The following MKNK2 variants were observed in gnomAD, a reference collection of about 807,000 sequenced individuals.
MKNK2 encodes the protein MAPK interacting serine/threonine kinase 2, also known as MAP kinase-interacting serine/threonine-protein kinase 2.
MKNK2 carries 54 observed loss-of-function variants against 55.0 expected under a neutral mutation model. The ratio of observed to expected loss-of-function variants is 0.98; its 90% CI spans 0.79 to 1.23. The LOEUF (loss-of-function observed/expected upper bound fraction) is 1.23, where lower values mean the gene tolerates loss of function less well. Ranked by LOEUF, MKNK2 falls within the 50% of genes most tolerant of loss-of-function variation. The pLI is 0.00. For synonymous variants in MKNK2, 323 were observed against 256.0 expected (o/e 1.26, Z -2.50); for missense variants, 685 against 632.1 (o/e 1.08, Z -0.90).
intron 5 of MKNK2, 64 bp downstream of exon 5, chr19:2,046,121 GT>G: frequency 6.7e-7 from 1 of 1,500,474 alleles, no homozygotes. Context: ...GCCACACACT[GT>G]TTCCACCCCC....
chr19:2,038,705 C>T lies in MKNK2; in HGVS notation c.*908G>A, dbSNP rs2016808196. The T allele has an allele frequency of 1.0e-6, 1 of 985,460 alleles. No homozygotes were observed. Among genetic ancestry groups the T allele is most frequent in the African/African-American group, 1.7e-5 (1 of 57,182 alleles). 61.0% of individuals were successfully genotyped at this position (985,460 alleles called of 1,614,324 possible). Reference sequence around the variant, plus strand: ...GGACGTGGCTACGGTCAGACTGAGCCCTGAGAAGGGGCACTCGGGTGCCCC... The same window carrying T: ...GGACGTGGCTACGGTCAGACTGAGCTCTGAGAAGGGGCACTCGGGTGCCCC... On this transcript the variant is annotated 3_prime_UTR_variant, in exon 14 of 14. Coordinates refer to ENST00000250896, the MANE Select transcript of MKNK2 (RefSeq NM_199054.3).
intron 5 of MKNK2, among the ~76,000 whole-genome samples, chr19:2,045,418 G>A (rs2016975785): frequency 6.6e-6 from 1 of 152,140 alleles, no homozygotes; most frequent in Admixed American, 6.5e-5. Flanking sequence ...CCTGCCTGGG[G>A]GCTCCCAGGA....
rs762144278 is a variant in MKNK2 at position 2,042,830 on chromosome 19, G to A, written c.534C>T (p.Asn178=). 6.3e-6 allele frequency: 10 copies of A among 1,576,896 alleles called. No individual in the cohort carries two copies. In the East Asian group the frequency reaches 7.0e-5, roughly 11 times the overall value. Residue 178 remains asparagine (N), a synonymous_variant, in exon 8 of 14, where the codon AAC becomes AAT. Transcript: ENST00000250896. Reference sequence around the variant, plus strand: ...GCACCACCACGCTGGCCTCCAGCTCGTTGAAGTGCCGGCGCTTGTGGATGT... The same window carrying A: ...GCACCACCACGCTGGCCTCCAGCTCATTGAAGTGCCGGCGCTTGTGGATGT... ...LSHIHKRRHF[N]ELEASVVVQD...
intron 2 of MKNK2, among the ~76,000 whole-genome samples, chr19:2,047,097 G>C (rs2017017292): frequency 6.6e-6 from 1 of 152,204 alleles, no homozygotes; most frequent in Non-Finnish European, 1.5e-5. Context: ...ACATGTGGAA[G>C]GCGTGAGGCC....
chr19:2,039,422 G>C lies in MKNK2; in HGVS notation c.*191C>G. On this transcript the variant is annotated 3_prime_UTR_variant, in exon 14 of 14. Coordinates refer to ENST00000250896, the MANE Select transcript of MKNK2 (RefSeq NM_199054.3). Reference sequence around the variant, plus strand: ...CATCCAAAGGAAAAAATAACGGGGAGGGGTGGAAACAGGAAAAAAAAAACC... The same window carrying C: ...CATCCAAAGGAAAAAATAACGGGGACGGGTGGAAACAGGAAAAAAAAAACC... The C allele has an allele frequency of 7.1e-7, 1 of 1,401,818 alleles. No homozygotes were observed. Among genetic ancestry groups the C allele is most frequent in the Non-Finnish European group, 9.3e-7 (1 of 1,081,032 alleles). The allele number at this position is 1,401,818 out of a possible 1,614,324, so 86.8% of individuals were successfully genotyped here.
Position 2,044,928 on chromosome 19 carries a change from G to A in MKNK2, c.339+1258C>T, listed in dbSNP as rs927608929. 5.3e-5 allele frequency among the ~76,000 whole-genome samples: 8 copies of A among 152,240 alleles called. 1 individual carries two copies. In the South Asian group the frequency reaches 8.3e-4, roughly 16 times the overall value. ...CTCTGCATCCAGCCAGCAGCCTCACGGCACCAGGTGACCCCAGGGTGGCTT... is the reference window on the plus strand; with the variant it reads ...CTCTGCATCCAGCCAGCAGCCTCACAGCACCAGGTGACCCCAGGGTGGCTT... On this transcript the variant is annotated intron_variant, in intron 5 of 13. Coordinates refer to ENST00000250896, the MANE Select transcript of MKNK2 (RefSeq NM_199054.3).
chr19:2,039,323 G>A lies in MKNK2; in HGVS notation c.*290C>T, dbSNP rs1039300857. 13 of 1,303,128 alleles carry A rather than the reference G, an allele frequency of 1.0e-5. No individual in the cohort carries two copies. The highest frequency in any genetic ancestry group is 8.5e-5 in the South Asian group (4 of 46,974). 80.7% of individuals were successfully genotyped at this position (1,303,128 alleles called of 1,614,324 possible). A position where few individuals can be genotyped will look rare whatever the true frequency, so the allele number is the denominator to read the frequency against. On this transcript the variant is annotated 3_prime_UTR_variant, in exon 14 of 14. Coordinates refer to ENST00000250896, the MANE Select transcript of MKNK2 (RefSeq NM_199054.3). ...CCTTCATAGTAGAGGTGAGCAGGGC[G>A]GGGGACCGGGGAGGGGACAAGCCCA...
In MKNK2 at chr19:2,037,772, T is replaced by C. The variant is rs1261890611; in HGVS notation, c.*1841A>G. 1.9e-6 allele frequency: 3 copies of C among 1,604,086 alleles called. No individual in the cohort carries two copies. On this transcript the variant is annotated 3_prime_UTR_variant, in exon 14 of 14. Coordinates refer to ENST00000250896, the MANE Select transcript of MKNK2 (RefSeq NM_199054.3). Reference sequence around the variant, plus strand: ...TCACAGTAACGGTTCTGACCAGTCCTCCAGGTCGCACGTGGATGCGACAGG... The same window carrying C: ...TCACAGTAACGGTTCTGACCAGTCCCCCAGGTCGCACGTGGATGCGACAGG...
At position 2,043,243 on chromosome 19, in the gene MKNK2, C is replaced by G. The variant is rs757669235; in HGVS notation, c.420-46G>C. 7.5e-6 allele frequency: 11 copies of G among 1,470,078 alleles called. No individual in the cohort carries two copies. In the East Asian group the frequency reaches 9.1e-5, roughly 12 times the overall value. The allele number at this position is 1,470,078 out of a possible 1,614,324, so 91.1% of individuals were successfully genotyped here. On this transcript the variant is annotated intron_variant, in intron 6 of 13. Transcript: ENST00000250896. Reference sequence around the variant, plus strand: ...GGAGAGGAGCTGAGGCTTCCTGAGGCCCCTGGGTACCTGCTGCCCGGCCTA... The same window carrying G: ...GGAGAGGAGCTGAGGCTTCCTGAGGGCCCTGGGTACCTGCTGCCCGGCCTA...
rs2016937467 is a variant in MKNK2, at chr19:2,043,532, C to T, written c.390G>A (p.Val130=). Reference sequence around the variant, plus strand: ...GTCCCTGGCACTGGTACAGCATCTCCACCTCCCTGAAAACCCTGCTCCGAA... The same window carrying T: ...GTCCCTGGCACTGGTACAGCATCTCTACCTCCCTGAAAACCCTGCTCCGAA... ...GHIRSRVFRE[V]EMLYQCQGHR... Residue 130 remains valine, a synonymous_variant, in exon 6 of 14, where the codon GTG becomes GTA. Transcript: ENST00000250896. 1.2e-6 allele frequency: 2 copies of T among 1,614,120 alleles called. No homozygotes were observed. Among genetic ancestry groups the T allele is most frequent in the Middle Eastern group, 1.6e-4 (1 of 6,062 alleles).
rs780346937 is a variant in MKNK2, at chr19:2,039,780, C to T, written c.1231G>A (p.Glu411Lys). 1.4e-5 allele frequency: 23 copies of T among 1,607,596 alleles called. No homozygotes were observed. The highest frequency in any genetic ancestry group is 5.3e-5 in the African/African-American group (4 of 74,942). ...AMNRQLAQHD[E>K]DLAEEEAAGQ... ...GCGGCCTCCTCCTCAGCCAGGTCCT[C>T]GTCGTGCTGGGCCAGCTGCCGGTTC... The change falls in exon 14 of 14, where the codon GAG (glutamate) becomes AAG (lysine). Residue 411 changes from glutamate (E) to lysine (K), a missense_variant. Coordinates refer to ENST00000250896, the MANE Select transcript of MKNK2 (RefSeq NM_199054.3).
chr19:2,037,888 A>AC lies in MKNK2; in HGVS notation c.*1724dup. ...CGCTGCTAGCCACTCAGCTTTAGAG[A>AC]CCCGATGGCTATGGGCGCCTGCAGC... On this transcript the variant is annotated 3_prime_UTR_variant, in exon 14 of 14. Coordinates refer to ENST00000250896, the MANE Select transcript of MKNK2 (RefSeq NM_199054.3). The AC allele has an allele frequency of 1.3e-6, 2 of 1,496,724 alleles. No homozygotes were observed. The highest frequency in any genetic ancestry group is 2.1e-5 in the Admixed American group (1 of 47,738). 92.7% of individuals were successfully genotyped at this position (1,496,724 alleles called of 1,614,324 possible).
rs1490633264 is a variant in MKNK2, at chr19:2,037,832, T to C, written c.*1781A>G. On this transcript the variant is annotated 3_prime_UTR_variant, in exon 14 of 14. Transcript: ENST00000250896. ...GGAGGAGGAAGTGACTGTCCCACCT[T>C]CAGAAAAAAAAAAAAAAACAAACAA... 4.6e-6 allele frequency: 7 copies of C among 1,527,428 alleles called. No individual in the cohort carries two copies. The highest frequency in any genetic ancestry group is 4.5e-5 in the African/African-American group (3 of 67,304). The allele number at this position is 1,527,428 out of a possible 1,614,324, so 94.6% of individuals were successfully genotyped here. A position where few individuals can be genotyped will look rare whatever the true frequency, so the allele number is the denominator to read the frequency against.
In MKNK2 at chr19:2,042,533, C is replaced by T; in HGVS notation, c.655-11G>A. On this transcript the variant is annotated splice_polypyrimidine_tract_variant and intron_variant, in intron 9 of 13. Transcript: ENST00000250896. Reference sequence around the variant, plus strand: ...CTTCACGGGGGAGACCTGGGAGGGGCCAAAAGGTCCGTGAGCCTGGGGTCC... The same window carrying T: ...CTTCACGGGGGAGACCTGGGAGGGGTCAAAAGGTCCGTGAGCCTGGGGTCC... The T allele has an allele frequency of 6.3e-7, 1 of 1,588,786 alleles. No individual in the cohort carries two copies. Among genetic ancestry groups the T allele is most frequent in the Non-Finnish European group, 8.6e-7 (1 of 1,168,798 alleles).
In MKNK2 at chr19:2,042,397, G is replaced by A. The variant is rs1389705142; in HGVS notation, c.750+30C>T. The A allele has an allele frequency of 1.9e-6, 3 of 1,543,390 alleles. No individual in the cohort carries two copies. In the South Asian group the frequency reaches 3.6e-5, roughly 18 times the overall value. ...TTATGCAACCGCAGAGCAGGCGGCC[G>A]AGCCCCCAGCCCTCCCCGCGGGCCC... On this transcript the variant is annotated intron_variant, in intron 10 of 13. Coordinates refer to ENST00000250896, the MANE Select transcript of MKNK2 (RefSeq NM_199054.3).
At position 2,038,108 on chromosome 19, in the gene MKNK2, G is replaced by A. The variant is rs1483311736; in HGVS notation, c.*1505C>T. ...ACCAGGGAAGGCAGAGCACCCCCAC[G>A]GCCACCGGACTGTGACCATCATACG... On this transcript the variant is annotated 3_prime_UTR_variant, in exon 14 of 14. Transcript: ENST00000250896. The A allele has an allele frequency of 2.2e-5, 24 of 1,110,680 alleles. No individual in the cohort carries two copies. In the South Asian group the frequency reaches 3.7e-4, roughly 17 times the overall value. 68.8% of individuals were successfully genotyped at this position (1,110,680 alleles called of 1,614,324 possible).
Position 2,037,628 on chromosome 19 carries a change from GA to G in MKNK2, c.*1984del. On this transcript the variant is annotated 3_prime_UTR_variant, in exon 14 of 14. Transcript: ENST00000250896. ...TTTCCCCCACTTTAAAAAAACTTTT[GA>G]GGTTTTTTTTTTTTTTTTGTCTTTT... 1 of 783,736 alleles carries G rather than the reference GA, an allele frequency of 1.3e-6. No homozygotes were observed. Among genetic ancestry groups the G allele is most frequent in the Non-Finnish European group, 1.8e-6 (1 of 559,436 alleles). The allele number at this position is 783,736 out of a possible 1,614,324, so 48.5% of individuals were successfully genotyped here. A position where few individuals can be genotyped will look rare whatever the true frequency, so the allele number is the denominator to read the frequency against.
At position 2,039,353 on chromosome 19, in the gene MKNK2, C is replaced by A; in HGVS notation, c.*260G>T. Reference sequence around the variant, plus strand: ...ACCGGGGAGGGGACAAGCCCACCCACCTACCCTCTGCTCACCTTCCCGGGT... The same window carrying A: ...ACCGGGGAGGGGACAAGCCCACCCAACTACCCTCTGCTCACCTTCCCGGGT... On this transcript the variant is annotated 3_prime_UTR_variant, in exon 14 of 14. Coordinates refer to ENST00000250896, the MANE Select transcript of MKNK2 (RefSeq NM_199054.3). 7.3e-7 allele frequency: 1 copy of A among 1,363,706 alleles called. No individual in the cohort carries two copies. The highest frequency in any genetic ancestry group is 9.5e-7 in the Non-Finnish European group (1 of 1,058,024). 84.5% of individuals were successfully genotyped at this position (1,363,706 alleles called of 1,614,324 possible).
At position 2,039,106 on chromosome 19, in the gene MKNK2, A is replaced by C. The variant is rs2016817424; in HGVS notation, c.*507T>G. 5 of 987,474 alleles carry C rather than the reference A, an allele frequency of 5.1e-6. No homozygotes were observed. The South Asian group carries it at 1.9e-4, about 37-fold the overall frequency. The allele number at this position is 987,474 out of a possible 1,614,324, so 61.2% of individuals were successfully genotyped here. On this transcript the variant is annotated 3_prime_UTR_variant, in exon 14 of 14. Coordinates refer to ENST00000250896, the MANE Select transcript of MKNK2 (RefSeq NM_199054.3). ...CCCTCCCTTCCCCAACCAAGCCACC[A>C]GGGGTGCTCTCAGGGTGAGGGATAG...
Sources: allele counts gnomAD v4.1 joint callset (sites outside exome capture counted in the v4.1 genomes callset), GRCh38; gene constraint gnomAD v4.1.1; transcripts MANE v1.5; gene names NCBI Gene and HGNC (gene_info 2026-07-23, HGNC 2026-07-21).